MACC1: variants seen among roughly 807,000 people sequenced by gnomAD.
MACC1 encodes the protein MET transcriptional regulator MACC1.
A neutral mutation model predicts 70.7 loss-of-function variants in MACC1; 79 were observed. The ratio of observed to expected loss-of-function variants is 1.12; its 90% CI spans 0.93 to 1.35. The LOEUF (loss-of-function observed/expected upper bound fraction) is 1.35, where lower values mean the gene tolerates loss of function less well. Among genes scored for constraint, MACC1 ranks in the 40% most tolerant of loss-of-function variants. MACC1 has a pLI of 0.00. For synonymous variants in MACC1, 361 were observed against 347.2 expected (o/e 1.04, Z -0.44); for missense variants, 1,106 against 978.1 (o/e 1.13, Z -1.74).
intron 1 of MACC1, among the ~76,000 whole-genome samples, chr7:20,177,461 G>T (rs985026152): frequency 1.1e-4 from 16 of 152,190 alleles, no homozygotes; most frequent in African/African-American, 3.9e-4. Context: ...ATATTAAACA[G>T]TTCAGGGCTT....
At chr7:20,173,780 C>A (rs1381842612) in intron 1 of MACC1, among the ~76,000 whole-genome samples, 1 of 152,084 alleles carries the variant, frequency 6.6e-6, no homozygotes, top group African/African-American at 2.4e-5. Context: ...AATGATGGTG[C>A]CATGAACCTG....
intron 1 of MACC1, among the ~76,000 whole-genome samples, chr7:20,202,744 G>A (rs1782850982): frequency 6.6e-6 from 1 of 152,120 alleles, no homozygotes; most frequent in African/African-American, 2.4e-5. Flanking sequence ...ACTTGAAATC[G>A]AGCTAGTTTT....
chr7:20,186,082 C>T lies in MACC1; in HGVS notation c.-217-15304G>A, dbSNP rs1049576995. Among the ~76,000 whole-genome samples, 6 of 152,146 alleles carry T rather than the reference C, an allele frequency of 3.9e-5. No homozygotes were observed. The South Asian group carries it at 8.3e-4, about 21-fold the overall frequency. ...GAAGGAATAACTACAGAATTATCGC[C>T]GAATGGACAGAGCTACTATTACATT... is the stretch of plus-strand genomic sequence containing the variant. On this transcript the variant is annotated intron_variant, in intron 1 of 6. Coordinates refer to ENST00000400331, the MANE Select transcript of MACC1 (RefSeq NM_182762.4).
intron 6 of MACC1, among the ~76,000 whole-genome samples, chr7:20,148,218 G>T (rs1781923032): frequency 6.6e-6 from 1 of 152,136 alleles, no homozygotes; most frequent in Non-Finnish European, 1.5e-5. Flanking sequence ...AGTATACAAA[G>T]GAATGGATGT....
At chr7:20,150,978 G>A (rs1367913644) in intron 6 of MACC1, among the ~76,000 whole-genome samples, 4 of 151,962 alleles carry the variant, frequency 2.6e-5, no homozygotes, top group Non-Finnish European at 5.9e-5. Context: ...AACCTGGGAG[G>A]TGGAGGTTAC....
intron 1 of MACC1, among the ~76,000 whole-genome samples, chr7:20,202,401 T>C (rs1408805838): frequency 1.3e-5 from 2 of 152,210 alleles, no homozygotes; most frequent in East Asian, 3.8e-4. Flanking sequence ...CGCCTCTTTG[T>C]ATTTGGACGT....
chr7:20,172,349 T>A (rs1782321191), intron 1 of MACC1, among the ~76,000 whole-genome samples: 1 of 152,208 alleles, frequency 6.6e-6, no homozygotes, highest in Admixed American at 6.5e-5. Context: ...TACAGGAACA[T>A]GTTAGTATAT....
chr7:20,145,335 G>A (rs938906050), intron 6 of MACC1, among the ~76,000 whole-genome samples: 6 of 152,138 alleles, frequency 3.9e-5, no homozygotes, highest in Admixed American at 6.5e-5. Flanking sequence ...GAGAATAGTC[G>A]GGGGCATACG....
At chr7:20,174,000 T>C (rs1260821034) in intron 1 of MACC1, among the ~76,000 whole-genome samples, 1 of 152,258 alleles carries the variant, frequency 6.6e-6, no homozygotes, top group Non-Finnish European at 1.5e-5. Flanking sequence ...TTCAAAGAAG[T>C]AGGTAAGTTC....
At chr7:20,182,010 C>A (rs557488577) in intron 1 of MACC1, among the ~76,000 whole-genome samples, 3 of 151,814 alleles carry the variant, frequency 2.0e-5, no homozygotes, top group Admixed American at 1.3e-4. Flanking sequence ...ACTATGCAGC[C>A]ATAAAAAAGG....
chr7:20,206,076 T>A (rs1274797448), intron 1 of MACC1, among the ~76,000 whole-genome samples: 4 of 151,736 alleles, frequency 2.6e-5, no homozygotes, highest in Non-Finnish European at 5.9e-5. Flanking sequence ...TCTCACACAT[T>A]ATCGTCATCT....
Position 20,159,912 on chromosome 7 carries a change from G to T in MACC1, c.449C>A (p.Thr150Lys). The change falls in exon 5 of 7, where the codon ACA (threonine) becomes AAA (lysine). Residue 150 changes from threonine (T) to lysine (K), a missense_variant. Coordinates refer to ENST00000400331, the MANE Select transcript of MACC1 (RefSeq NM_182762.4). ...VSELLDILDD[T>K]AHAHQSIHNS... ...ATGTATACTCTGATGGGCATGTGCT[G>T]TGTCGTCTAAAATGTCCAGAAGTTC... The T allele has an allele frequency of 6.2e-7, 1 of 1,614,138 alleles. No individual in the cohort carries two copies. Among genetic ancestry groups the T allele is most frequent in the Non-Finnish European group, 8.5e-7 (1 of 1,180,030 alleles).
intron 1 of MACC1, among the ~76,000 whole-genome samples, chr7:20,206,583 A>G (rs1239936660): frequency 6.6e-6 from 1 of 152,206 alleles, no homozygotes; most frequent in Non-Finnish European, 1.5e-5. Context: ...CTTATGCTGC[A>G]GTTCTTAACA....
At chr7:20,165,937 A>G (rs544001641) in intron 2 of MACC1, among the ~76,000 whole-genome samples, 1 of 152,362 alleles carries the variant, frequency 6.6e-6, no homozygotes, top group African/African-American at 2.4e-5. Flanking sequence ...TACCAAATGT[A>G]CAACTTAGCA....
intron 1 of MACC1, among the ~76,000 whole-genome samples, chr7:20,178,292 CACACACT>C (rs879696467): frequency 0.077 from 4,023 of 51,978 alleles, 158 homozygotes; most frequent in East Asian, 0.51. Flanking sequence ...CACACACACA[CACACACT>C]CCAGAGAATA....
Position 20,138,832 on chromosome 7 carries a change from C to T in MACC1, c.*2114G>A, listed in dbSNP as rs1228260372. ...GGACTACAGGCGCCTGCCACCACGC[C>T]CGGCTAATTTTTTGTATTTTTAGTA... On this transcript the variant is annotated 3_prime_UTR_variant, in exon 7 of 7. Transcript: ENST00000400331. 2 of 152,020 alleles carry T rather than the reference C, an allele frequency of 1.3e-5. No individual in the cohort carries two copies. Among genetic ancestry groups the T allele is most frequent in the Non-Finnish European group, 2.9e-5 (2 of 67,998 alleles). The allele number at this position is 152,020 out of a possible 1,614,324, so 9.4% of individuals were successfully genotyped here. A position where few individuals can be genotyped will look rare whatever the true frequency, so the allele number is the denominator to read the frequency against.
chr7:20,154,548 C>A (rs1782028260), intron 5 of MACC1, among the ~76,000 whole-genome samples, 167 bp from the exon 6 acceptor site: 1 of 152,086 alleles, frequency 6.6e-6, no homozygotes. Flanking sequence ...TAAGCAAATT[C>A]TATAAGCAAA....
chr7:20,150,565 T>A (rs1341231644), intron 6 of MACC1: 1 of 152,160 alleles, frequency 6.6e-6, no homozygotes, highest in Non-Finnish European at 1.5e-5. Flanking sequence ...TTAAAATACA[T>A]CTTCCCAATT....
intron 4 of MACC1, 59 bp downstream of exon 4, chr7:20,161,689 T>C (rs1782140640): frequency 2.0e-6 from 2 of 991,840 alleles, no homozygotes; most frequent in Non-Finnish European, 3.2e-6. Flanking sequence ...TCAACAATTA[T>C]TGGTGATGAA....
Sources: gnomAD v4.1 joint callset for allele counts (sites outside exome capture counted in the v4.1 genomes callset) on GRCh38, gnomAD v4.1.1 for gene constraint, MANE v1.5 for transcripts, NCBI Gene and HGNC (gene_info 2026-07-23, HGNC 2026-07-21) for gene names.